The following HDAC8 variants were observed in gnomAD, a reference collection of about 807,000 sequenced individuals.
HDAC8 encodes histone deacetylase-like 1.
A neutral mutation model predicts 32.2 loss-of-function variants in HDAC8; 1 was observed. The ratio of observed to expected loss-of-function variants is 0.03; its 90% confidence interval spans 0.01 to 0.15. The LOEUF (loss-of-function observed/expected upper bound fraction) is 0.15. Ranked by LOEUF, HDAC8 falls within the 10% of genes least tolerant of loss-of-function variation. The probability of loss-of-function intolerance (pLI) is 1.00; values close to 1 mark genes in which losing one functional copy is unlikely to be tolerated. For synonymous variants in HDAC8, 108 were observed against 113.9 expected, an observed-to-expected ratio of 0.95 and a Z score of 0.33; for missense variants, 117 against 300.0, an observed-to-expected ratio of 0.39 and a Z score of 4.51.
intron 9 of HDAC8, among the ~76,000 whole-genome samples, chrX:72,450,036 A>G (rs868996298): frequency 5.3e-5 from 6 of 112,204 alleles, no homozygotes; most frequent in African/African-American, 1.6e-4. Flanking sequence ...TAAACAACCT[A>G]TGGTACATCT....
At chrX:72,356,953 G>A (rs781786755) in intron 9 of HDAC8, among the ~76,000 whole-genome samples, 1 of 110,840 alleles carries the variant, frequency 9.0e-6, no homozygotes, top group Non-Finnish European at 1.9e-5. Context: ...AGGCTACAGC[G>A]TGGAGAAGGT....
intron 4 of HDAC8, among the ~76,000 whole-genome samples, chrX:72,518,467 A>C (rs782014793): frequency 8.1e-5 from 9 of 111,719 alleles, no homozygotes; most frequent in African/African-American, 1.3e-4. Flanking sequence ...TTACAGAAAA[A>C]TTGAGCAGAT....
At chrX:72,540,582 G>A (rs2050672360) in intron 4 of HDAC8, among the ~76,000 whole-genome samples, 1 of 109,231 alleles carries the variant, frequency 9.2e-6, no homozygotes, top group Non-Finnish European at 1.9e-5. Context: ...TGTTCAATAT[G>A]CTGGAATCTC....
chrX:72,438,179 C>T (rs1189748815), intron 9 of HDAC8, among the ~76,000 whole-genome samples: 2 of 112,158 alleles, frequency 1.8e-5, no homozygotes, highest in South Asian at 3.8e-4. Flanking sequence ...TTGCAGCCTC[C>T]GCTGGTGATA....
chrX:72,359,807 C>T (rs1372855782), intron 9 of HDAC8, among the ~76,000 whole-genome samples: 2 of 110,901 alleles, frequency 1.8e-5, no homozygotes, highest in Admixed American at 9.6e-5. Flanking sequence ...GTAATCCTAG[C>T]ACTTTGGGAG....
At chrX:72,572,575 C>A in intron 1 of HDAC8, 76 bp downstream of exon 1, 1 of 735,444 alleles carries the variant, frequency 1.4e-6, no homozygotes, top group South Asian at 2.7e-5. Flanking sequence ...GTCCTCTCCG[C>A]TTCCTAACGC....
At position 72,398,999 on chromosome X, in the gene HDAC8, C is replaced by T. The variant is rs977234931; in HGVS notation, c.1006-47161G>A. Among the ~76,000 whole-genome samples, 4 of 110,432 alleles carry T rather than the reference C, an allele frequency of 3.6e-5. No homozygotes were observed. The Admixed American group carries it at 3.9e-4, about 11-fold the overall frequency. On this transcript the variant is annotated intron_variant, in intron 9 of 10. Coordinates refer to ENST00000373573, the MANE Select transcript of HDAC8 (RefSeq NM_018486.3). ...CTCAGGACACCTAGCATCCCTAGAC[C>T]CTGAGTACTAAATGCCTCTAGCACT...
intron 7 of HDAC8, among the ~76,000 whole-genome samples, chrX:72,471,328 T>C (rs1164382452): frequency 8.9e-6 from 1 of 112,361 alleles, no homozygotes; most frequent in Non-Finnish European, 1.9e-5. Flanking sequence ...GTAGACACAT[T>C]TTCAATTCTC....
At chrX:72,515,338 G>A (rs1460448999) in intron 4 of HDAC8, among the ~76,000 whole-genome samples, 1 of 110,761 alleles carries the variant, frequency 9.0e-6, no homozygotes. Context: ...TATTCATCTT[G>A]TCACAAATGG....
intron 9 of HDAC8, among the ~76,000 whole-genome samples, chrX:72,366,135 T>G (rs1205430579): frequency 8.9e-6 from 1 of 112,195 alleles, no homozygotes; most frequent in Non-Finnish European, 1.9e-5. Flanking sequence ...CTAGTCAGCC[T>G]CTAACTGATT....
chrX:72,486,027 C>T (rs1556005545), intron 7 of HDAC8, among the ~76,000 whole-genome samples: 1 of 110,798 alleles, frequency 9.0e-6, no homozygotes, highest in South Asian at 3.9e-4. Flanking sequence ...GAGGCTGAGG[C>T]AGGAGAATGG....
At chrX:72,567,791 G>T in intron 4 of HDAC8, 98 bp downstream of exon 4, 1 of 1,210,400 alleles carries the variant, frequency 8.3e-7, no homozygotes, top group Non-Finnish European at 1.1e-6. Context: ...ATACACACAC[G>T]TCTCTCTGTA....
chrX:72,337,594 C>T lies in HDAC8; in HGVS notation c.1112-7518G>A, dbSNP rs1028683348. On this transcript the variant is annotated intron_variant, in intron 10 of 10. Coordinates refer to ENST00000373573, the MANE Select transcript of HDAC8 (RefSeq NM_018486.3). Reference sequence around the variant, plus strand: ...TTCACTGCTGTAACTGTACCCCAAACTATTCTTACCCTTTATGTGGATGAT... The same window carrying T: ...TTCACTGCTGTAACTGTACCCCAAATTATTCTTACCCTTTATGTGGATGAT... Among the ~76,000 whole-genome samples the T allele has an allele frequency of 2.7e-5, 3 of 111,211 alleles. No homozygotes were observed. In the Admixed American group the frequency reaches 2.9e-4, roughly 11 times the overall value.
At chrX:72,491,119 T>A (rs1438803255) in intron 5 of HDAC8, 113 bp from the exon 6 acceptor site, 1 of 479,253 alleles carries the variant, frequency 2.1e-6, no homozygotes, top group Non-Finnish European at 3.7e-6. Context: ...AAGGCAGCAA[T>A]ATAAAACTAA....
chrX:72,412,113 A>C (rs2046212747), intron 9 of HDAC8, among the ~76,000 whole-genome samples: 1 of 112,108 alleles, frequency 8.9e-6, no homozygotes, highest in Admixed American at 9.4e-5. Flanking sequence ...CTCTGAAGTC[A>C]ACAAATTTCA....
chrX:72,387,646 G>A (rs1179660754), intron 9 of HDAC8, among the ~76,000 whole-genome samples: 1 of 111,750 alleles, frequency 8.9e-6, no homozygotes, highest in African/African-American at 3.3e-5. Context: ...GATAATAATA[G>A]TTGTTGTGTT....
intron 9 of HDAC8, among the ~76,000 whole-genome samples, chrX:72,446,915 C>T (rs782704081): frequency 2.7e-5 from 3 of 111,802 alleles, no homozygotes; most frequent in Non-Finnish European, 5.6e-5. Flanking sequence ...CTGAATAGAC[C>T]AATAACAAGT....
intron 9 of HDAC8, among the ~76,000 whole-genome samples, chrX:72,378,440 C>T (rs1271637287): frequency 1.8e-5 from 2 of 111,810 alleles, no homozygotes; most frequent in African/African-American, 3.3e-5. Flanking sequence ...AGGACAAAAC[C>T]CCTTACCAGA....
chrX:72,449,164 G>T (rs1389338488), intron 9 of HDAC8, among the ~76,000 whole-genome samples: 1 of 112,320 alleles, frequency 8.9e-6, no homozygotes, highest in African/African-American at 3.2e-5. Context: ...CAATAGGAAA[G>T]TCTTGGAACC....
Sources: allele counts gnomAD v4.1 joint callset (sites outside exome capture counted in the v4.1 genomes callset), GRCh38; gene constraint gnomAD v4.1.1; transcripts MANE v1.5; gene names NCBI Gene and HGNC (gene_info 2026-07-23, HGNC 2026-07-21).